NRXN1: variants seen among roughly 807,000 people sequenced by gnomAD.
The protein encoded by NRXN1 is neurexin 1.
In NRXN1, 39 loss-of-function variants were observed where a neutral mutation model predicts 150.9. The observed-to-expected ratio is 0.26, with a 90% CI of 0.20 to 0.34. The LOEUF is 0.34. Among genes scored for constraint, NRXN1 ranks in the 10% least tolerant of loss-of-function variants. The pLI is 1.00. For synonymous variants in NRXN1, 924 were observed against 757.0 expected, an observed-to-expected ratio of 1.22 and a Z score of -3.62; for missense variants, 1,815 against 1,949.9, an observed-to-expected ratio of 0.93 and a Z score of 1.30.
At position 50,430,341 on chromosome 2, in the gene NRXN1, A is replaced by AC. The variant is rs398090315; in HGVS notation, c.3364+35100dup. 7.2e-5 allele frequency among the ~76,000 whole-genome samples: 11 copies of AC among 152,136 alleles called. No individual in the cohort carries two copies. The East Asian group carries it at 2.1e-3, about 30-fold the overall frequency. ...ATGACTCCTGGGCAGGTAGAAAAAA[A>AC]CAGCAAGCCAATTTGTGCAGTATAC... On this transcript the variant is annotated intron_variant, in intron 17 of 22. Coordinates refer to ENST00000401669, the MANE Select transcript of NRXN1 (RefSeq NM_001330078.2).
intron 18 of NRXN1, among the ~76,000 whole-genome samples, chr2:50,120,153 A>G (rs1406909717): frequency 1.3e-5 from 2 of 152,134 alleles, no homozygotes; most frequent in Non-Finnish European, 2.9e-5. Flanking sequence ...TTTCTCATAT[A>G]AGTGCAATCT....
At position 50,868,167 on chromosome 2, in the gene NRXN1, AT is replaced by A. The variant is rs1422440629; in HGVS notation, c.832+53701del. ...TATATATATATATATATATATATAT[AT>A]ATATATATATATATATATATGCATA... On this transcript the variant is annotated intron_variant, in intron 5 of 22. Coordinates refer to ENST00000401669, the MANE Select transcript of NRXN1 (RefSeq NM_001330078.2). 8.9e-5 allele frequency among the ~76,000 whole-genome samples: 7 copies of A among 78,422 alleles called. 1 individual carries two copies. Among genetic ancestry groups the A allele is most frequent in the Non-Finnish European group, 2.0e-4 (7 of 34,430 alleles). The allele number at this position is 78,422 out of a possible 152,430, so 51.4% of individuals were successfully genotyped here. A position where few individuals can be genotyped will look rare whatever the true frequency, so the allele number is the denominator to read the frequency against.
chr2:50,506,087 C>T (rs941766401), intron 13 of NRXN1, among the ~76,000 whole-genome samples: 5 of 151,996 alleles, frequency 3.3e-5, no homozygotes, highest in African/African-American at 9.7e-5. Context: ...GATAGATAAA[C>T]GCCAGTATAT....
At chr2:50,981,914 G>C (rs1466485890) in intron 2 of NRXN1, among the ~76,000 whole-genome samples, 2 of 151,708 alleles carry the variant, frequency 1.3e-5, no homozygotes, top group Non-Finnish European at 2.9e-5. Context: ...ATGGTTAATG[G>C]TATTAATAGG....
chr2:50,931,981 C>G lies in NRXN1; in HGVS notation c.773-6026G>C, dbSNP rs369007141. On this transcript the variant is annotated intron_variant, in intron 2 of 22. Coordinates refer to ENST00000401669, the MANE Select transcript of NRXN1 (RefSeq NM_001330078.2). ...GGTTCAAGCAATTCTCCTGCCTCAG[C>G]CTCCCACGTAGCTGGGATTACAGGC... Among the ~76,000 whole-genome samples, 9 of 152,030 alleles carry G rather than the reference C, an allele frequency of 5.9e-5. No homozygotes were observed. In the East Asian group the frequency reaches 1.2e-3, roughly 20 times the overall value.
chr2:51,010,082 G>A (rs1199811821), intron 2 of NRXN1, among the ~76,000 whole-genome samples: 1 of 151,806 alleles, frequency 6.6e-6, no homozygotes. Flanking sequence ...TTCAACCAAG[G>A]ATAACATAAA....
intron 17 of NRXN1, among the ~76,000 whole-genome samples, chr2:50,349,911 T>A (rs561019915): frequency 6.6e-6 from 1 of 152,344 alleles, no homozygotes; most frequent in South Asian, 2.1e-4. Flanking sequence ...AAATGGTAGA[T>A]GCCTGAAGGG....
chr2:49,922,214 T>C lies in NRXN1; in HGVS notation c.4254A>G (p.Pro1418=), dbSNP rs55923848. The change falls in exon 23 of 23, where the codon CCA becomes CCG. Residue 1418 remains proline (P), a synonymous_variant. Coordinates refer to ENST00000401669, the MANE Select transcript of NRXN1 (RefSeq NM_001330078.2). ...PTRAGGREPY[P]GSAEVIRESS... is the part of the protein sequence containing the mutation. The stretch of plus-strand genomic sequence containing the variant: ...ACTCCCGGATCACTTCTGCTGAGCC[T>C]GGATACGGCTCTCTGCCGCCTGCTC... 1.2e-3 allele frequency: 1,963 copies of C among 1,614,184 alleles called. 4 individuals are homozygous for C. The highest frequency in any genetic ancestry group is 1.5e-3 in the Non-Finnish European group (1,777 of 1,180,018).
rs957546939 is a variant in NRXN1 at position 50,391,517 on chromosome 2, G to C, written c.3364+73925C>G. Among the ~76,000 whole-genome samples the C allele has an allele frequency of 3.9e-5, 6 of 152,186 alleles. No individual in the cohort carries two copies. The East Asian group carries it at 9.7e-4, about 25-fold the overall frequency. ...ATAAAAGCAACCCTCTTAAAATATAGTTATTAGGGATTTTATCACTTATTT... is the reference window on the plus strand; with the variant it reads ...ATAAAAGCAACCCTCTTAAAATATACTTATTAGGGATTTTATCACTTATTT... On this transcript the variant is annotated intron_variant, in intron 17 of 22. Transcript: ENST00000401669.
chr2:50,528,759 T>A (rs1387276734), intron 11 of NRXN1, 108 bp from the exon 12 acceptor site: 2 of 655,072 alleles, frequency 3.1e-6, no homozygotes, highest in African/African-American at 3.8e-5. Context: ...CACATGCAAA[T>A]ATGGCCACTC....
chr2:50,428,855 G>C (rs2084717871), intron 17 of NRXN1, among the ~76,000 whole-genome samples: 1 of 152,092 alleles, frequency 6.6e-6, no homozygotes, highest in South Asian at 2.1e-4. Context: ...GAATAGAAGA[G>C]GAAAAATAAC....
At chr2:49,977,708 T>C (rs1679232275) in intron 21 of NRXN1, among the ~76,000 whole-genome samples, 1 of 152,118 alleles carries the variant, frequency 6.6e-6, no homozygotes, top group Non-Finnish European at 1.5e-5. Flanking sequence ...AAAAGTGTGT[T>C]AGTAAAGAGA....
Position 50,831,914 on chromosome 2 carries a change from C to T in NRXN1, c.832+89955G>A, listed in dbSNP as rs74697405. On this transcript the variant is annotated intron_variant, in intron 5 of 22. Coordinates refer to ENST00000401669, the MANE Select transcript of NRXN1 (RefSeq NM_001330078.2). The stretch of plus-strand genomic sequence containing the variant: ...CACAGAGAAACAGCGTTCTGAGTGA[C>T]GCTGATTGTTCACATTGAGTAGCAG... Among the ~76,000 whole-genome samples, 279 of 152,252 alleles carry T rather than the reference C, an allele frequency of 1.8e-3. 6 individuals carry two copies. The East Asian group carries it at 0.049, about 27-fold the overall frequency.
At chr2:50,598,544 A>G (rs1371300139) in intron 8 of NRXN1, among the ~76,000 whole-genome samples, 1 of 143,798 alleles carries the variant, frequency 7.0e-6, no homozygotes, top group Non-Finnish European at 1.5e-5. Context: ...ACTCTCCTAT[A>G]TATGTGTGTA....
rs1464027722 is a variant in NRXN1, at chr2:50,141,552, C to G, written c.3547-50058G>C. On this transcript the variant is annotated intron_variant, in intron 18 of 22. Transcript: ENST00000401669. Reference sequence around the variant, plus strand: ...CTGAATGGAAGAAAATATTTGCAAACTATTCATCCAAGGGACTAATATCCA... The same window carrying G: ...CTGAATGGAAGAAAATATTTGCAAAGTATTCATCCAAGGGACTAATATCCA... Among the ~76,000 whole-genome samples the G allele has an allele frequency of 2.6e-5, 4 of 152,106 alleles. No homozygotes were observed. The East Asian group carries it at 7.7e-4, about 29-fold the overall frequency.
Position 50,019,972 on chromosome 2 carries a change from AAGAGAG to A in NRXN1, c.4128+33293_4128+33298del, listed in dbSNP as rs1208030506. Among the ~76,000 whole-genome samples, 266 of 111,660 alleles carry A rather than the reference AAGAGAG, an allele frequency of 2.4e-3. 53 individuals are homozygous for A. The highest frequency in any genetic ancestry group is 3.5e-3 in the Non-Finnish European group (193 of 55,578). 73.3% of individuals were successfully genotyped at this position (111,660 alleles called of 152,430 possible). On this transcript the variant is annotated intron_variant, in intron 21 of 22. Coordinates refer to ENST00000401669, the MANE Select transcript of NRXN1 (RefSeq NM_001330078.2). The stretch of plus-strand genomic sequence containing the variant: ...CAAAAAAAAAAAAAAAAAAAAAAAA[AAGAGAG>A]AGAGAGAGACCTAGGGAGCTACGTC...
intron 18 of NRXN1, among the ~76,000 whole-genome samples, chr2:50,223,662 T>C (rs182538227): frequency 1.3e-5 from 2 of 151,898 alleles, no homozygotes; most frequent in Non-Finnish European, 2.9e-5. Flanking sequence ...GATGACATAC[T>C]TTTCCTTTGA....
intron 8 of NRXN1, among the ~76,000 whole-genome samples, chr2:50,588,321 T>A (rs1673505079): frequency 6.6e-6 from 1 of 152,092 alleles, no homozygotes; most frequent in African/African-American, 2.4e-5. Context: ...CAGGAAATAA[T>A]AAAAAATAAC....
At chr2:50,187,128 G>A (rs17507002) in intron 18 of NRXN1, among the ~76,000 whole-genome samples, 6,945 of 152,006 alleles carry the variant, frequency 0.046, 241 homozygotes, top group Middle Eastern at 0.1. Flanking sequence ...AACCAATAAA[G>A]ATCACACCTA....
Sources: allele counts gnomAD v4.1 joint callset (sites outside exome capture counted in the v4.1 genomes callset), GRCh38; gene constraint gnomAD v4.1.1; transcripts MANE v1.5; gene names NCBI Gene and HGNC (gene_info 2026-07-23, HGNC 2026-07-21).